NLGN1: variants seen among roughly 807,000 people sequenced by gnomAD.
NLGN1 encodes neuroligin 1, also known as neuroligin-1.
In NLGN1, 12 loss-of-function variants were observed where a neutral mutation model predicts 65.5. The observed-to-expected ratio is 0.18, with a 90% CI of 0.12 to 0.30. NLGN1 has a LOEUF of 0.30. Among genes scored for constraint, NLGN1 ranks in the 10% least tolerant of loss-of-function variants. The probability of loss-of-function intolerance (pLI) is 1.00; values close to 1 mark genes in which losing one functional copy is unlikely to be tolerated. For missense variants in NLGN1, 750 were observed against 1,007.1 expected, an observed-to-expected ratio of 0.74 and a Z score of 3.46; for synonymous variants, 350 against 359.5, an observed-to-expected ratio of 0.97 and a Z score of 0.30.
Position 173,612,571 on chromosome 3 carries a change from G to T in NLGN1, c.493+7480G>T, listed in dbSNP as rs576647154. Among the ~76,000 whole-genome samples the T allele has an allele frequency of 4.3e-4, 66 of 152,078 alleles. 1 individual carries two copies. In the South Asian group the frequency reaches 0.012, roughly 28 times the overall value. On this transcript the variant is annotated intron_variant, in intron 3 of 6. Transcript: ENST00000457714. ...GTTGTCACATAGCTTTCTTTCCTGT[G>T]TGTCTCCCTACATCCCCATGTCTTC... is the stretch of plus-strand genomic sequence containing the variant.
rs532094955 is a variant in NLGN1 at position 173,507,794 on chromosome 3, C to CA, written c.-321+72723dup. On this transcript the variant is annotated intron_variant, in intron 2 of 6. Transcript: ENST00000457714. ...ACTTTTCCTGACAGTTGTTAGAATACAAAAAAATGCAAACAGGCATTGGTA... is the reference window on the plus strand; with the variant it reads ...ACTTTTCCTGACAGTTGTTAGAATACAAAAAAAATGCAAACAGGCATTGGTA... 1.5e-3 allele frequency among the ~76,000 whole-genome samples: 224 copies of CA among 152,002 alleles called. 1 individual carries two copies. Among genetic ancestry groups the CA allele is most frequent in the Middle Eastern group, 3.4e-3 (1 of 292 alleles).
At chr3:174,156,989 T>G (rs1306374719) in intron 4 of NLGN1, among the ~76,000 whole-genome samples, 1 of 149,380 alleles carries the variant, frequency 6.7e-6, no homozygotes, top group Non-Finnish European at 1.5e-5. Context: ...AATATATGTA[T>G]ATTTATATAT....
intron 4 of NLGN1, among the ~76,000 whole-genome samples, chr3:174,156,992 T>A (rs1725562322): frequency 6.7e-6 from 1 of 149,304 alleles, no homozygotes; most frequent in African/African-American, 2.4e-5. Flanking sequence ...ATATGTATAT[T>A]TATATATATA....
intron 2 of NLGN1, among the ~76,000 whole-genome samples, chr3:173,554,176 A>G (rs1410144873): frequency 6.6e-6 from 1 of 152,238 alleles, no homozygotes; most frequent in Non-Finnish European, 1.5e-5. Context: ...TCCAGATAGT[A>G]TAATTAATAA....
chr3:173,701,379 A>G (rs1252360313), intron 3 of NLGN1, among the ~76,000 whole-genome samples: 1 of 152,154 alleles, frequency 6.6e-6, no homozygotes, highest in Non-Finnish European at 1.5e-5. Flanking sequence ...GAATCAGAGA[A>G]GGAAATGTGA....
At chr3:173,795,742 T>C (rs1182033140) in intron 3 of NLGN1, among the ~76,000 whole-genome samples, 1 of 152,138 alleles carries the variant, frequency 6.6e-6, no homozygotes, top group East Asian at 1.9e-4. Context: ...TTTTTTCATA[T>C]CCTTGATTCA....
intron 2 of NLGN1, among the ~76,000 whole-genome samples, chr3:173,501,950 C>T (rs1269335465): frequency 1.3e-5 from 2 of 152,044 alleles, no homozygotes; most frequent in Non-Finnish European, 2.9e-5. Context: ...AATAATAAGG[C>T]AGTGTCTGAG....
intron 2 of NLGN1, among the ~76,000 whole-genome samples, chr3:173,603,535 T>G (rs3853389): frequency 0.098 from 14,862 of 152,170 alleles, 732 homozygotes; most frequent in Middle Eastern, 0.22. Flanking sequence ...AATTTATTGA[T>G]ATCTATAATA....
chr3:174,213,574 T>G lies in NLGN1; in HGVS notation c.647-61741T>G, dbSNP rs1737081806. 2.0e-5 allele frequency among the ~76,000 whole-genome samples: 3 copies of G among 152,324 alleles called. No homozygotes were observed. In the South Asian group the frequency reaches 6.2e-4, roughly 32 times the overall value. ...ACAATAACCTTTGTGGTTATTCTTT[T>G]CTACCAGGCAGAAATCTACTAGTTA... On this transcript the variant is annotated intron_variant, in intron 4 of 6. Transcript: ENST00000457714.
At chr3:173,491,402 G>A (rs1165192568) in intron 2 of NLGN1, among the ~76,000 whole-genome samples, 3 of 151,732 alleles carry the variant, frequency 2.0e-5, no homozygotes, top group Admixed American at 2.0e-4. Flanking sequence ...TATGTTTATT[G>A]ATTTTCATAT....
At chr3:174,085,171 G>A (rs1742996749) in intron 4 of NLGN1, among the ~76,000 whole-genome samples, 1 of 149,720 alleles carries the variant, frequency 6.7e-6, no homozygotes, top group South Asian at 2.1e-4. Context: ...CAAAATGTTA[G>A]GTGTAGTTGT....
intron 2 of NLGN1, among the ~76,000 whole-genome samples, chr3:173,440,530 A>G (rs1218448599): frequency 1.3e-5 from 2 of 152,170 alleles, no homozygotes; most frequent in East Asian, 1.9e-4. Context: ...TATGGGGTAC[A>G]GAATGAATGT....
intron 4 of NLGN1, among the ~76,000 whole-genome samples, chr3:174,176,182 T>G (rs1451065162): frequency 6.6e-6 from 1 of 151,920 alleles, no homozygotes; most frequent in Non-Finnish European, 1.5e-5. Context: ...TATAATTATA[T>G]GTATTTTTAG....
At chr3:173,818,291 A>C (rs552350583) in intron 4 of NLGN1, among the ~76,000 whole-genome samples, 2 of 152,314 alleles carry the variant, frequency 1.3e-5, no homozygotes, top group South Asian at 4.1e-4. Context: ...ACATTAATAC[A>C]AATTTTGATA....
intron 2 of NLGN1, among the ~76,000 whole-genome samples, chr3:173,517,677 T>G (rs921448000): frequency 6.6e-6 from 1 of 152,160 alleles, no homozygotes; most frequent in Admixed American, 6.5e-5. Context: ...TATGTTTATA[T>G]GTATGTGATT....
chr3:174,189,840 G>A (rs1246188123), intron 4 of NLGN1, among the ~76,000 whole-genome samples: 1 of 151,986 alleles, frequency 6.6e-6, no homozygotes, highest in Non-Finnish European at 1.5e-5. Flanking sequence ...AATTGATGTT[G>A]CAAAACTTAA....
chr3:174,033,555 A>T, intron 4 of NLGN1, among the ~76,000 whole-genome samples: 1 of 152,144 alleles, frequency 6.6e-6, no homozygotes. Flanking sequence ...CGTTGCTCTA[A>T]TGGAAAACTT....
intron 4 of NLGN1, among the ~76,000 whole-genome samples, chr3:173,895,037 G>A (rs73035441): frequency 6.6e-6 from 1 of 152,206 alleles, no homozygotes; most frequent in Non-Finnish European, 1.5e-5. Context: ...TTACTGCAAG[G>A]TCTAGGGAGA....
intron 4 of NLGN1, among the ~76,000 whole-genome samples, chr3:174,154,993 T>TATATTATATTATTATAA (rs1725143513): frequency 1.6e-5 from 2 of 122,468 alleles, no homozygotes; most frequent in Non-Finnish European, 3.2e-5. Flanking sequence ...TATTATATAT[T>TATATTATATTATTATAA]ATATATATTT....
Sources: gnomAD v4.1 joint callset for allele counts (sites outside exome capture counted in the v4.1 genomes callset) on GRCh38, gnomAD v4.1.1 for gene constraint, MANE v1.5 for transcripts, NCBI Gene and HGNC (gene_info 2026-07-23, HGNC 2026-07-21) for gene names.